MAX: variants seen among roughly 807,000 people sequenced by gnomAD.
The protein encoded by MAX is protein max.
In MAX, 3 loss-of-function variants were observed where a neutral mutation model predicts 22.3. The ratio of observed to expected loss-of-function variants is 0.13; its 90% confidence interval spans 0.06 to 0.35. MAX has a LOEUF of 0.35. MAX is among the 10% of genes least tolerant of loss of function. The pLI, the probability that MAX is intolerant of heterozygous loss-of-function variation, is 1.00. For synonymous variants in MAX, 72 were observed against 77.7 expected (o/e 0.93, Z 0.39); for missense variants, 119 against 209.4 (o/e 0.57, Z 2.66).
In MAX at chr14:65,013,422, T is replaced by C. The variant is rs111379743; in HGVS notation, c.172-7138A>G. ...GCTACTACCAGTTAAACAATACACA[T>C]CCATGGGCTAGATTTGGCCTGTGGG... is the stretch of plus-strand genomic sequence containing the variant. On this transcript the variant is annotated intron_variant, in intron 3 of 3. Transcript: ENST00000341653. Among the ~76,000 whole-genome samples, 641 of 151,960 alleles carry C rather than the reference T, an allele frequency of 4.2e-3. 17 individuals carry two copies. The South Asian group carries it at 0.044, about 10-fold the overall frequency.
Position 65,076,763 on chromosome 14 carries a change from T to A in MAX, c.296-100A>T. The A allele has an allele frequency of 6.9e-7, 1 of 1,441,802 alleles. No individual in the cohort carries two copies. 89.3% of individuals were successfully genotyped at this position (1,441,802 alleles called of 1,614,324 possible). A position where few individuals can be genotyped will look rare whatever the true frequency, so the allele number is the denominator to read the frequency against. ...CAGCCTGTTCTTCCTAAGGGCTTGC[T>A]TGTTGGCCCCCGAGGCTCAAGATGC... On this transcript the variant is annotated intron_variant, in intron 4 of 4. Coordinates refer to ENST00000358664, the MANE Select transcript of MAX (RefSeq NM_002382.5). The surrounding 1 kb of genome is among the most constrained non-coding windows in gnomAD (Gnocchi z 6.6).
rs572319066 is a variant in MAX, at chr14:65,031,817, A to C, written c.172-25533T>G. Among the ~76,000 whole-genome samples the C allele has an allele frequency of 1.3e-5, 2 of 152,088 alleles. No homozygotes were observed. Among genetic ancestry groups the C allele is most frequent in the African/African-American group, 4.8e-5 (2 of 41,452 alleles). ...GCGCCTGTAATCCCAGCTACTTGGG[A>C]GGCTGATACAGGAGAATTGCTTGAA... On this transcript the variant is annotated intron_variant, in intron 3 of 3. Transcript: ENST00000341653. The surrounding 1 kb of genome is among the most constrained non-coding windows in gnomAD (Gnocchi z 4.6).
At chr14:65,045,420 TC>T (rs1407477147) in intron 3 of MAX, among the ~76,000 whole-genome samples, 1 of 13,970 alleles carries the variant, frequency 7.2e-5, no homozygotes, top group Admixed American at 5.8e-4. Flanking sequence ...TCTTCCCCCC[TC>T]CCCGCCGCCC....
chr14:65,099,531 C>CAAAAAAAAAAAAA (rs113130979), intron 2 of MAX, among the ~76,000 whole-genome samples: 1 of 143,580 alleles, frequency 7.0e-6, no homozygotes, highest in Non-Finnish European at 1.5e-5. Flanking sequence ...AAAATTTCAC[C>CAAAAAAAAAAAAA]AAAAAAACAA....
intron 3 of MAX, among the ~76,000 whole-genome samples, chr14:65,063,025 G>A (rs2062892188): frequency 6.6e-6 from 1 of 152,230 alleles, no homozygotes; most frequent in Non-Finnish European, 1.5e-5. Flanking sequence ...CTGTCACAGG[G>A]ACAGGCTGGA....
At chr14:65,043,922 T>C (rs996114275) in intron 3 of MAX, among the ~76,000 whole-genome samples, 1 of 145,786 alleles carries the variant, frequency 6.9e-6, no homozygotes, top group African/African-American at 2.6e-5. Context: ...AGGGAAGTAA[T>C]GAGAAATGAG....
At chr14:65,053,898 G>A (rs7158239) in intron 3 of MAX, among the ~76,000 whole-genome samples, 74,825 of 151,976 alleles carry the variant, frequency 0.49, 20,858 homozygotes, top group African/African-American at 0.78. Context: ...TATCAGGAAG[G>A]ATGTGGCCCA....
chr14:65,083,488 C>T (rs932561661), intron 3 of MAX, among the ~76,000 whole-genome samples: 1 of 152,132 alleles, frequency 6.6e-6, no homozygotes, highest in East Asian at 1.9e-4. Context: ...TTCTGTAAAA[C>T]TTCAAGTTGT....
At chr14:65,089,756 TAAAAAAAAAAAAAAAAAAAAAAAAAAAAA>T (rs55883101) in intron 3 of MAX, among the ~76,000 whole-genome samples, 102 of 36,136 alleles carry the variant, frequency 2.8e-3, no homozygotes, top group East Asian at 0.021. Flanking sequence ...AGCATCTCTG[TAAAAAAAAAAAAAAAAAAAAAAAAAAAAA>T]AAAAAAAAAA....
At position 65,079,560 on chromosome 14, in the gene MAX, G is replaced by A. The variant is rs1330355308; in HGVS notation, c.172-1524C>T. The stretch of plus-strand genomic sequence containing the variant: ...AAGCTCAAGGCGGGGTAGCCTAGTA[G>A]CTTAAGTATGGCCTTCCAGCCAGAG... On this transcript the variant is annotated intron_variant, in intron 3 of 4. Transcript: ENST00000358664. This position sits in a 1 kb window ranked among gnomAD's most constrained non-coding sequence, Gnocchi z 4.5. Among the ~76,000 whole-genome samples, 1 of 152,218 alleles carries A rather than the reference G, an allele frequency of 6.6e-6. No homozygotes were observed.
At chr14:65,020,301 C>G (rs2061860345) in intron 3 of MAX, among the ~76,000 whole-genome samples, 1 of 152,230 alleles carries the variant, frequency 6.6e-6, no homozygotes, top group Non-Finnish European at 1.5e-5. Context: ...TTGGTAGAGA[C>G]AGTGCCTTGC....
rs530370580 is a variant in MAX at position 65,096,835 on chromosome 14, G to A, written c.64-3020C>T. On this transcript the variant is annotated intron_variant, in intron 2 of 4. Coordinates refer to ENST00000358664, the MANE Select transcript of MAX (RefSeq NM_002382.5). The stretch of plus-strand genomic sequence containing the variant: ...AAAACCCCCTTGTGGAATTAATTAG[G>A]CCCTATTCTAGGAGACCACAGAGGT... Among the ~76,000 whole-genome samples the A allele has an allele frequency of 1.3e-4, 20 of 152,214 alleles. No individual in the cohort carries two copies. In the East Asian group the frequency reaches 3.7e-3, roughly 28 times the overall value.
chr14:65,083,719 G>T, intron 3 of MAX: 2 of 1,051,002 alleles, frequency 1.9e-6, no homozygotes, highest in Non-Finnish European at 2.3e-6. Context: ...TATCTGGAGG[G>T]ATGAAAAAAG....
rs1454093611 is a variant in MAX at position 65,031,507 on chromosome 14, G to A, written c.172-25223C>T. ...TAATTTTTGTGTTTTTAGTGGAGAC[G>A]GGGTTTCGCAATATTGGTCAGGTTG... On this transcript the variant is annotated intron_variant, in intron 3 of 3. Transcript: ENST00000341653. The surrounding 1 kb of genome is among the most constrained non-coding windows in gnomAD (Gnocchi z 4.6). Among the ~76,000 whole-genome samples, 1 of 151,792 alleles carries A rather than the reference G, an allele frequency of 6.6e-6. No homozygotes were observed. Among genetic ancestry groups the A allele is most frequent in the Non-Finnish European group, 1.5e-5 (1 of 67,956 alleles).
Position 65,009,755 on chromosome 14 carries a change from A to AT in MAX, c.172-3472dup, listed in dbSNP as rs944004014. Among the ~76,000 whole-genome samples, 86 of 151,872 alleles carry AT rather than the reference A, an allele frequency of 5.7e-4. No homozygotes were observed. Among genetic ancestry groups the AT allele is most frequent in the African/African-American group, 2.0e-3 (82 of 41,300 alleles). On this transcript the variant is annotated intron_variant, in intron 3 of 3. Coordinates refer to the MAX transcript ENST00000341653. The surrounding 1 kb of genome is among the most constrained non-coding windows in gnomAD (Gnocchi z 4.2). ...TCAAATGTGTCATGGTGTTTTCTTC[A>AT]TTTTGCCTGCTTAACTCATGTCTTT...
At chr14:65,081,073 C>A (rs371829014) in intron 3 of MAX, among the ~76,000 whole-genome samples, 1 of 152,176 alleles carries the variant, frequency 6.6e-6, no homozygotes, top group Non-Finnish European at 1.5e-5. Flanking sequence ...TTGGGAACAA[C>A]AGGAGTCCAA....
chr14:65,040,669 ATAGT>A (rs2062332005), intron 3 of MAX: 1 of 1,158,592 alleles, frequency 8.6e-7, no homozygotes, highest in East Asian at 3.2e-5. Context: ...CTTTTCATTC[ATAGT>A]TGTGATGGTT....
intron 3 of MAX, chr14:65,040,980 C>A: frequency 6.3e-7 from 1 of 1,588,882 alleles, no homozygotes; most frequent in South Asian, 1.1e-5. Flanking sequence ...TGATTGTACT[C>A]AGACATGCAG....
chr14:65,061,168 C>T (rs1274612460), intron 3 of MAX: 1 of 1,613,582 alleles, frequency 6.2e-7, no homozygotes, highest in East Asian at 2.2e-5. Context: ...GGCACCTTTT[C>T]TTCTCTTTGC....
Sources: gnomAD v4.1 joint callset for allele counts (sites outside exome capture counted in the v4.1 genomes callset) on GRCh38, gnomAD v4.1.1 for gene constraint, Gnocchi (gnomAD v3.1) non-coding constraint, MANE v1.5 for transcripts, NCBI Gene and HGNC (gene_info 2026-07-23, HGNC 2026-07-21) for gene names.